Variants in ABCC8 observed in about 807,000 individuals in gnomAD.
ABCC8 encodes ATP-binding cassette sub-family C member 8.
In ABCC8, 137 loss-of-function variants were observed where a neutral mutation model predicts 188.0. The ratio of observed to expected loss-of-function variants is 0.73; its 90% CI spans 0.63 to 0.84. ABCC8 has a LOEUF of 0.84. Ranked by LOEUF, ABCC8 falls within the 40% of genes least tolerant of loss-of-function variation. The pLI is 0.00. For missense variants in ABCC8, 1,750 were observed against 2,072.7 expected (o/e 0.84, Z 3.02); for synonymous variants, 797 against 846.5 (o/e 0.94, Z 1.01).
At chr11:17,395,531 C>T in intron 35 of ABCC8, 79 bp downstream of exon 35, 1 of 1,522,248 alleles carries the variant, frequency 6.6e-7, no homozygotes, top group Middle Eastern at 1.7e-4. Context: ...CTCCCCCAAC[C>T]CCCTCCTCTT....
chr11:17,468,351 G>A (rs1234545736), intron 3 of ABCC8, among the ~76,000 whole-genome samples: 1 of 152,196 alleles, frequency 6.6e-6, no homozygotes, highest in Non-Finnish European at 1.5e-5. Context: ...CTGACTTAAG[G>A]ACATAGTGTG....
Position 17,467,141 on chromosome 11 carries a change from G to A in ABCC8, c.412+2960C>T, listed in dbSNP as rs185787770. Among the ~76,000 whole-genome samples, 273 of 151,444 alleles carry A rather than the reference G, an allele frequency of 1.8e-3. 2 individuals are homozygous for A. The highest frequency in any genetic ancestry group is 6.8e-3 in the Middle Eastern group (2 of 294). ...ACATCTGTGGTATGACCTTCCAGGT[G>A]GGTGCGGTGGCTCACGGCTGTAATC... On this transcript the variant is annotated intron_variant, in intron 3 of 38. Coordinates refer to ENST00000389817, the MANE Select transcript of ABCC8 (RefSeq NM_000352.6).
chr11:17,434,984 C>CGCGCGTGTGTGT lies in ABCC8; in HGVS notation c.1631-2741_1631-2740insACACACACGCGC, dbSNP rs71457876. Reference sequence around the variant, plus strand: ...TAGAATCATCAGCTGCGTGTGTTCGCGTGTGTGTGTGTGTGTGTGTGTGTG... The same window carrying CGCGCGTGTGTGT: ...TAGAATCATCAGCTGCGTGTGTTCGCGCGCGTGTGTGTGTGTGTGTGTGTGTGTGTGTGTGTG... On this transcript the variant is annotated intron_variant, in intron 10 of 38. Transcript: ENST00000389817. 8.1e-3 allele frequency among the ~76,000 whole-genome samples: 1,168 copies of CGCGCGTGTGTGT among 144,746 alleles called. 11 individuals carry two copies. Among genetic ancestry groups the CGCGCGTGTGTGT allele is most frequent in the Non-Finnish European group, 0.011 (760 of 66,684 alleles). The allele number at this position is 144,746 out of a possible 152,430, so 95.0% of individuals were successfully genotyped here. A position where few individuals can be genotyped will look rare whatever the true frequency, so the allele number is the denominator to read the frequency against.
intron 16 of ABCC8, among the ~76,000 whole-genome samples, chr11:17,422,144 C>G (rs550334701): frequency 3.8e-3 from 580 of 152,324 alleles, no homozygotes; most frequent in Middle Eastern, 0.01. Flanking sequence ...GAGGGGGACT[C>G]TCAACACACA....
At position 17,470,309 on chromosome 11, in the gene ABCC8, C is replaced by G; in HGVS notation, c.291-87G>C. 4.4e-6 allele frequency: 7 copies of G among 1,598,976 alleles called. No individual in the cohort carries two copies. In the South Asian group the frequency reaches 7.9e-5, roughly 18 times the overall value. ...CAGGCCTTGAATTTCAAAGGCTGAA[C>G]ACTGAACCTTTATAGCATCACTTTA... On this transcript the variant is annotated intron_variant, in intron 2 of 38. Transcript: ENST00000389817.
intron 3 of ABCC8, among the ~76,000 whole-genome samples, chr11:17,465,782 C>G (rs1291449197): frequency 6.6e-6 from 1 of 152,178 alleles, no homozygotes; most frequent in Non-Finnish European, 1.5e-5. Flanking sequence ...CAGGCATCAT[C>G]ATGCGTCCTC....
intron 1 of ABCC8, among the ~76,000 whole-genome samples, chr11:17,475,680 T>C (rs1156787004): frequency 6.6e-6 from 1 of 152,278 alleles, no homozygotes; most frequent in East Asian, 1.9e-4. Context: ...TCTATCTAAC[T>C]GTCTTTGTTA....
chr11:17,453,211 G>A lies in ABCC8; in HGVS notation c.1084C>T (p.Leu362=). ...CTTTGCAGTAGGAGGGCAAGGAACA[G>A]AAGCACAGCTAAGACGTAGGCATTG... ...LANAYVLAVL[L]FLALLLQRTF... Residue 362 remains leucine, a synonymous_variant, in exon 7 of 39, where the codon CTG becomes TTG. Transcript: ENST00000389817. The A allele has an allele frequency of 6.2e-7, 1 of 1,614,212 alleles. No individual in the cohort carries two copies. The highest frequency in any genetic ancestry group is 8.5e-7 in the Non-Finnish European group (1 of 1,180,040).
At chr11:17,410,464 A>C in intron 22 of ABCC8, 52 bp downstream of exon 22, 1 of 1,594,734 alleles carries the variant, frequency 6.3e-7, no homozygotes, top group Non-Finnish European at 8.6e-7. Context: ...AAGATGCCTG[A>C]CAGCCTCCCC....
intron 38 of ABCC8, among the ~76,000 whole-genome samples, 164 bp downstream of exon 38, chr11:17,393,533 G>T (rs992733703): frequency 1.3e-5 from 2 of 152,048 alleles, no homozygotes; most frequent in African/African-American, 4.8e-5. Context: ...TGCAACCCAG[G>T]CTCCCTGCAT....
chr11:17,402,803 G>A (rs1564886735), intron 28 of ABCC8, 50 bp from the exon 29 acceptor site: 1 of 1,607,546 alleles, frequency 6.2e-7, no homozygotes, highest in Non-Finnish European at 8.5e-7. Flanking sequence ...CTCAGGGCTC[G>A]GCCTGGGCCT....
intron 16 of ABCC8, among the ~76,000 whole-genome samples, chr11:17,422,984 T>C (rs1333304084): frequency 2.1e-4 from 32 of 151,946 alleles, no homozygotes; most frequent in Non-Finnish European, 5.9e-5. Flanking sequence ...ACATCCGCAG[T>C]GAGCCTCCTC....
chr11:17,462,478 G>A (rs1483595195), intron 4 of ABCC8, among the ~76,000 whole-genome samples: 1 of 152,192 alleles, frequency 6.6e-6, no homozygotes, highest in Non-Finnish European at 1.5e-5. Context: ...AGTCTTTCTG[G>A]AAGGCAATAT....
chr11:17,432,275 G>C, intron 10 of ABCC8, 31 bp from the exon 11 acceptor site: 1 of 1,551,876 alleles, frequency 6.4e-7, no homozygotes. Flanking sequence ...GGCGTTTAGT[G>C]GGAGGAGCGT....
intron 31 of ABCC8, 31 bp from the exon 32 acceptor site, chr11:17,397,344 C>G: frequency 1.2e-6 from 2 of 1,605,850 alleles, no homozygotes; most frequent in Non-Finnish European, 1.7e-6. Context: ...GCGCACACTC[C>G]ATGGTCGCTT....
chr11:17,393,234 A>G, intron 38 of ABCC8, 106 bp from the exon 39 acceptor site: 5 of 1,465,584 alleles, frequency 3.4e-6, no homozygotes, highest in Non-Finnish European at 4.7e-6. Context: ...AGGATGAGGC[A>G]TGTGGCCAGA....
intron 8 of ABCC8, among the ~76,000 whole-genome samples, chr11:17,444,568 C>A (rs1249406033): frequency 6.6e-6 from 1 of 152,226 alleles, no homozygotes; most frequent in South Asian, 2.1e-4. Flanking sequence ...CCCATCCCCT[C>A]CTCCTAGGTG....
intron 27 of ABCC8, among the ~76,000 whole-genome samples, chr11:17,405,292 C>T (rs1255187931): frequency 6.6e-6 from 1 of 152,264 alleles, no homozygotes; most frequent in Non-Finnish European, 1.5e-5. Flanking sequence ...CTAAAGGGAT[C>T]TGGTTTCCCT....
intron 1 of ABCC8, among the ~76,000 whole-genome samples, chr11:17,475,917 C>T (rs1388516195): frequency 6.6e-6 from 1 of 152,236 alleles, no homozygotes; most frequent in Non-Finnish European, 1.5e-5. Context: ...TGGAGAGGCA[C>T]GCACGATTGT....
Sources: allele counts gnomAD v4.1 joint callset (sites outside exome capture counted in the v4.1 genomes callset), GRCh38; gene constraint gnomAD v4.1.1; transcripts MANE v1.5; gene names NCBI Gene and HGNC (gene_info 2026-07-23, HGNC 2026-07-21).